HERPUD2: variants seen among roughly 807,000 people sequenced by gnomAD.
HERPUD2 encodes the protein HERPUD family member 2.
HERPUD2 carries 13 observed loss-of-function variants against 49.9 expected under a neutral mutation model. That is an observed-to-expected ratio of 0.26 (90% CI 0.17 to 0.41). HERPUD2 has a LOEUF of 0.41. Ranked by LOEUF, HERPUD2 falls within the 10% of genes least tolerant of loss-of-function variation. The pLI, the probability that HERPUD2 is intolerant of heterozygous loss-of-function variation, is 1.00. For missense variants in HERPUD2, 449 were observed against 492.2 expected, an observed-to-expected ratio of 0.91 and a Z score of 0.83; for synonymous variants, 172 against 171.4, an observed-to-expected ratio of 1.00 and a Z score of -0.03.
chr7:35,661,633 G>A (rs559770313), intron 5 of HERPUD2, among the ~76,000 whole-genome samples: 2 of 152,214 alleles, frequency 1.3e-5, no homozygotes, highest in South Asian at 4.1e-4. Context: ...TCTCTTTGAA[G>A]CAATTGTGAA....
intron 2 of HERPUD2, 78 bp downstream of exon 2, chr7:35,694,106 G>C: frequency 1.4e-6 from 2 of 1,477,420 alleles, no homozygotes; most frequent in Non-Finnish European, 9.4e-7. Context: ...GACTGGAGGG[G>C]AGAAGCAGGA....
At chr7:35,689,003 A>G (rs1258620171) in intron 2 of HERPUD2, among the ~76,000 whole-genome samples, 1 of 152,228 alleles carries the variant, frequency 6.6e-6, no homozygotes. Context: ...TGCCTGGTAC[A>G]CATGGCAAAC....
Position 35,635,821 on chromosome 7 carries a change from A to C in HERPUD2, c.618-363T>G, listed in dbSNP as rs146288729. Among the ~76,000 whole-genome samples the C allele has an allele frequency of 3.3e-5, 5 of 152,332 alleles. No homozygotes were observed. In the East Asian group the frequency reaches 9.6e-4, roughly 29 times the overall value. Reference sequence around the variant, plus strand: ...CCCTTTTGTTATTCTACATGGGATGAATACTCCCAAGCTCACCACCTACCT... The same window carrying C: ...CCCTTTTGTTATTCTACATGGGATGCATACTCCCAAGCTCACCACCTACCT... On this transcript the variant is annotated intron_variant, in intron 6 of 8. Transcript: ENST00000311350.
At chr7:35,645,537 GT>G (rs1308895292) in intron 5 of HERPUD2, among the ~76,000 whole-genome samples, 1 of 152,212 alleles carries the variant, frequency 6.6e-6, no homozygotes, top group African/African-American at 2.4e-5. Flanking sequence ...ATAGGCTAGT[GT>G]GTACAGTAAG....
intron 5 of HERPUD2, among the ~76,000 whole-genome samples, chr7:35,642,296 A>G (rs1470507811): frequency 6.6e-6 from 1 of 152,234 alleles, no homozygotes; most frequent in Non-Finnish European, 1.5e-5. Context: ...TACTATTAAA[A>G]AGTTAAAAAA....
Position 35,694,419 on chromosome 7 carries a change from G to A in HERPUD2, c.-89C>T. 7.5e-7 allele frequency: 1 copy of A among 1,340,446 alleles called. No individual in the cohort carries two copies. 83.0% of individuals were successfully genotyped at this position (1,340,446 alleles called of 1,614,324 possible). ...TCACCGCCGGCGCGACTGGGATGAG[G>A]ACAGAAGTGAGTTCTTAGTATTCCG... is the stretch of plus-strand genomic sequence containing the variant. On this transcript the variant is annotated 5_prime_UTR_variant, in exon 2 of 9. Coordinates refer to ENST00000311350, the MANE Select transcript of HERPUD2 (RefSeq NM_022373.5).
At chr7:35,655,053 T>C (rs999716431) in intron 5 of HERPUD2, among the ~76,000 whole-genome samples, 14 of 152,122 alleles carry the variant, frequency 9.2e-5, no homozygotes, top group African/African-American at 3.4e-4. Context: ...GGTTTCACAA[T>C]GTTGGCCAGG....
At chr7:35,645,110 G>C (rs925707819) in intron 5 of HERPUD2, among the ~76,000 whole-genome samples, 3 of 152,118 alleles carry the variant, frequency 2.0e-5, no homozygotes, top group Non-Finnish European at 2.9e-5. Flanking sequence ...GTTGAAGTTA[G>C]GTATTAGCTG....
intron 5 of HERPUD2, among the ~76,000 whole-genome samples, chr7:35,640,982 T>G (rs915722126): frequency 6.6e-6 from 1 of 151,944 alleles, no homozygotes; most frequent in African/African-American, 2.4e-5. Context: ...TTACCAACCC[T>G]TTGGAGGAAG....
intron 5 of HERPUD2, among the ~76,000 whole-genome samples, chr7:35,660,191 T>C (rs929367953): frequency 5.9e-5 from 9 of 152,246 alleles, no homozygotes; most frequent in African/African-American, 2.2e-4. Flanking sequence ...TCCATGTCCC[T>C]ATGAAGGACA....
At chr7:35,674,086 C>G (rs1368624111) in intron 2 of HERPUD2, among the ~76,000 whole-genome samples, 1 of 151,814 alleles carries the variant, frequency 6.6e-6, no homozygotes, top group Non-Finnish European at 1.5e-5. Flanking sequence ...ATGCCAAATC[C>G]AAGTCACAAC....
At chr7:35,664,045 C>T (rs570625425) in intron 5 of HERPUD2, among the ~76,000 whole-genome samples, 10 of 152,202 alleles carry the variant, frequency 6.6e-5, no homozygotes, top group Non-Finnish European at 8.8e-5. Flanking sequence ...TGTTCCTTTC[C>T]GTGTTTTAGT....
At position 35,671,119 on chromosome 7, in the gene HERPUD2, G is replaced by A. The variant is rs184013292; in HGVS notation, c.226-791C>T. The stretch of plus-strand genomic sequence containing the variant: ...GCAGAAAGAAAGATAACCAAATGGG[G>A]AGAAAGGGAAACAAAGCTACTAGAA... On this transcript the variant is annotated intron_variant, in intron 3 of 8. Coordinates refer to ENST00000311350, the MANE Select transcript of HERPUD2 (RefSeq NM_022373.5). 2.0e-4 allele frequency among the ~76,000 whole-genome samples: 31 copies of A among 152,110 alleles called. 1 individual carries two copies. The highest frequency in any genetic ancestry group is 7.2e-4 in the African/African-American group (30 of 41,546).
intron 2 of HERPUD2, among the ~76,000 whole-genome samples, chr7:35,691,990 A>G (rs1269755564): frequency 2.0e-5 from 3 of 152,206 alleles, no homozygotes; most frequent in South Asian, 4.1e-4. Context: ...CCACCCACTC[A>G]ACCTAGAAAT....
intron 2 of HERPUD2, among the ~76,000 whole-genome samples, chr7:35,688,515 G>C (rs914408345): frequency 6.6e-6 from 1 of 152,168 alleles, no homozygotes; most frequent in African/African-American, 2.4e-5. Flanking sequence ...ACACCAACTG[G>C]TAGACTGTGA....
chr7:35,674,378 CCTATATAT>C (rs1353309060), intron 2 of HERPUD2, among the ~76,000 whole-genome samples: 9 of 34,930 alleles, frequency 2.6e-4, no homozygotes, highest in East Asian at 1.2e-3. Flanking sequence ...AGTCTTACAA[CCTATATAT>C]ATATATATAT....
chr7:35,693,246 T>C (rs577644580), intron 2 of HERPUD2, among the ~76,000 whole-genome samples: 3 of 152,336 alleles, frequency 2.0e-5, no homozygotes, highest in South Asian at 2.1e-4. Context: ...AAAAGCCATA[T>C]GAGAGGGATG....
chr7:35,636,958 C>T (rs536907883), intron 6 of HERPUD2, among the ~76,000 whole-genome samples: 1 of 151,966 alleles, frequency 6.6e-6, no homozygotes, highest in Admixed American at 6.6e-5. Flanking sequence ...TGTGGCAAAA[C>T]CCCTGTCTGT....
At chr7:35,689,747 C>T (rs1224339629) in intron 2 of HERPUD2, among the ~76,000 whole-genome samples, 1 of 152,226 alleles carries the variant, frequency 6.6e-6, no homozygotes, top group East Asian at 1.9e-4. Flanking sequence ...TTTGGTTTAA[C>T]AGTATGAACA....
Sources: gnomAD v4.1 joint callset for allele counts (sites outside exome capture counted in the v4.1 genomes callset) on GRCh38, gnomAD v4.1.1 for gene constraint, MANE v1.5 for transcripts, NCBI Gene and HGNC (gene_info 2026-07-23, HGNC 2026-07-21) for gene names.